The following TMEM71 variants were observed in gnomAD, a reference collection of about 807,000 sequenced individuals.
TMEM71 encodes the protein transmembrane protein 71.
Under a neutral mutation model 38.0 loss-of-function variants are expected in TMEM71, and 44 were observed. That is an observed-to-expected ratio of 1.16 (90% CI 0.91 to 1.49). TMEM71 has a LOEUF of 1.49. Among genes scored for constraint, TMEM71 ranks in the 40% most tolerant of loss-of-function variants. TMEM71 has a pLI of 0.00. For missense variants in TMEM71, 367 were observed against 348.6 expected (o/e 1.05, Z -0.42); for synonymous variants, 133 against 122.5 (o/e 1.09, Z -0.56).
intron 5 of TMEM71, among the ~76,000 whole-genome samples, chr8:132,741,287 A>G (rs779481079): frequency 2.2e-4 from 33 of 152,158 alleles, no homozygotes; most frequent in Non-Finnish European, 4.0e-4. Flanking sequence ...TGCTTGAACC[A>G]GGGAGACGGA....
chr8:132,727,071 G>T (rs1428400028), intron 6 of TMEM71, among the ~76,000 whole-genome samples: 2 of 151,580 alleles, frequency 1.3e-5, no homozygotes, highest in Non-Finnish European at 2.9e-5. Flanking sequence ...TGGCCAGGCT[G>T]GCCTCAAACT....
chr8:132,725,640 G>A lies in TMEM71; in HGVS notation c.676+2158C>T, dbSNP rs148969551. ...AATACCTACATGTGAAGGGCTTAATGGAAGATGGAGACCTTGTCCACCCAG... is the reference window on the plus strand; with the variant it reads ...AATACCTACATGTGAAGGGCTTAATAGAAGATGGAGACCTTGTCCACCCAG... On this transcript the variant is annotated intron_variant, in intron 6 of 9. Transcript: ENST00000677595. 3.0e-3 allele frequency among the ~76,000 whole-genome samples: 451 copies of A among 152,306 alleles called. 2 individuals are homozygous for A. Among genetic ancestry groups the A allele is most frequent in the African/African-American group, 0.01 (424 of 41,564 alleles).
chr8:132,743,463 T>C (rs1828162199), intron 5 of TMEM71, among the ~76,000 whole-genome samples: 1 of 152,204 alleles, frequency 6.6e-6, no homozygotes, highest in Non-Finnish European at 1.5e-5. Context: ...CCTTTTATAC[T>C]ACTATTATCC....
At position 132,759,154 on chromosome 8, in the gene TMEM71, T is replaced by A. The variant is rs558176684; in HGVS notation, c.-36-239A>T. The A allele has an allele frequency of 2.2e-5, 7 of 323,748 alleles. No individual in the cohort carries two copies. The South Asian group carries it at 6.1e-4, about 28-fold the overall frequency. The allele number at this position is 323,748 out of a possible 1,614,324, so 20.1% of individuals were successfully genotyped here. ...CATCTCAATAACATTTTTCTGTAAA[T>A]AAGAACCACACTTTATTTGGAAAAT... On this transcript the variant is annotated intron_variant, in intron 1 of 9. Coordinates refer to ENST00000677595, the MANE Select transcript of TMEM71 (RefSeq NM_001382403.1).
chr8:132,706,866 G>A (rs992933321), downstream of TMEM71, among the ~76,000 whole-genome samples: 1 of 151,996 alleles, frequency 6.6e-6, no homozygotes, highest in Non-Finnish European at 1.5e-5. Context: ...ATCAGAAATG[G>A]CTGCTGACAA....
In TMEM71 at chr8:132,719,668, G is replaced by C. The variant is rs549796448; in HGVS notation, c.752+2372C>G. ...TCTTGCCCACGTCTATACAGTTTTA[G>C]TCAATTTTTAATTCAAATAAACATT... On this transcript the variant is annotated intron_variant, in intron 7 of 9. Coordinates refer to ENST00000677595, the MANE Select transcript of TMEM71 (RefSeq NM_001382403.1). Among the ~76,000 whole-genome samples, 116 of 152,278 alleles carry C rather than the reference G, an allele frequency of 7.6e-4. 1 individual carries two copies. Among genetic ancestry groups the C allele is most frequent in the African/African-American group, 2.5e-3 (105 of 41,554 alleles).
intron 7 of TMEM71, 22 bp downstream of exon 7, chr8:132,722,018 A>T (rs750250104): frequency 1.9e-6 from 3 of 1,600,764 alleles, no homozygotes; most frequent in Non-Finnish European, 1.7e-6. Context: ...ATACCGCTGC[A>T]TGAAAATAAA....
intron 3 of TMEM71, among the ~76,000 whole-genome samples, chr8:132,756,047 G>T (rs956707002): frequency 2.0e-5 from 3 of 152,038 alleles, no homozygotes; most frequent in African/African-American, 7.2e-5. Context: ...CAATTTACAA[G>T]AAGGAGCAGG....
At chr8:132,764,463 C>T (rs577679282), upstream of TMEM71, among the ~76,000 whole-genome samples, 1 of 152,316 alleles carries the variant, frequency 6.6e-6, no homozygotes, top group South Asian at 2.1e-4. Context: ...AGTGCTTGCC[C>T]TTGCTCCTCT....
chr8:132,770,529 G>A, the TMEM71 span, among the ~76,000 whole-genome samples: 1 of 152,134 alleles, frequency 6.6e-6, no homozygotes, highest in Admixed American at 6.6e-5. Flanking sequence ...CCTAGTATTT[G>A]TTTTTACGGT....
At chr8:132,709,907 T>A (rs1038726182), downstream of TMEM71, 46 of 152,138 alleles carry the variant, frequency 3.0e-4, no homozygotes, top group African/African-American at 1.1e-3. Context: ...CAAAAAAATA[T>A]ATATATACAT....
intron 6 of TMEM71, among the ~76,000 whole-genome samples, chr8:132,724,191 T>G (rs1293662266): frequency 6.6e-6 from 1 of 152,156 alleles, no homozygotes; most frequent in Non-Finnish European, 1.5e-5. Context: ...TTGATAAACA[T>G]CTTAACAGAA....
At chr8:132,753,308 T>TG (rs34914870) in intron 3 of TMEM71, among the ~76,000 whole-genome samples, 1 of 150,948 alleles carries the variant, frequency 6.6e-6, no homozygotes, top group East Asian at 1.9e-4. Context: ...TTTGAATTCT[T>TG]GGGGTGGTTT....
intron 6 of TMEM71, among the ~76,000 whole-genome samples, chr8:132,727,467 A>G (rs530746264): frequency 6.6e-6 from 1 of 152,240 alleles, no homozygotes; most frequent in Non-Finnish European, 1.5e-5. Context: ...CATGTTAGCC[A>G]GGATGGTCTT....
chr8:132,714,085 A>T, intron 8 of TMEM71, 33 bp from the exon 9 acceptor site: 1 of 1,613,894 alleles, frequency 6.2e-7, no homozygotes, highest in Non-Finnish European at 8.5e-7. Flanking sequence ...TTTTAAAATC[A>T]TTTTAAAGTG....
At chr8:132,762,595 C>T (rs889384652), upstream of TMEM71, among the ~76,000 whole-genome samples, 20 of 152,050 alleles carry the variant, frequency 1.3e-4, no homozygotes, top group African/African-American at 4.6e-4. Flanking sequence ...GGTCTTTCCA[C>T]ATATCAACAC....
chr8:132,774,080 TA>T, the TMEM71 span, among the ~76,000 whole-genome samples: 2 of 152,214 alleles, frequency 1.3e-5, no homozygotes, highest in African/African-American at 2.4e-5. Context: ...CATTAAAAAT[TA>T]CCAACTGGCC....
chr8:132,723,521 C>T (rs1826964194), intron 6 of TMEM71, among the ~76,000 whole-genome samples: 1 of 152,214 alleles, frequency 6.6e-6, no homozygotes, highest in Admixed American at 6.5e-5. Flanking sequence ...CTTGATTCTA[C>T]TGGCTCCTCC....
At chr8:132,722,361 A>AT (rs1826905286) in intron 6 of TMEM71, among the ~76,000 whole-genome samples, 1 of 152,222 alleles carries the variant, frequency 6.6e-6, no homozygotes, top group Admixed American at 6.5e-5. Context: ...AGACTATGCT[A>AT]TTTTCACAGT....
Sources: gnomAD v4.1 joint callset for allele counts (sites outside exome capture counted in the v4.1 genomes callset) on GRCh38, gnomAD v4.1.1 for gene constraint, MANE v1.5 for transcripts, NCBI Gene and HGNC (gene_info 2026-07-23, HGNC 2026-07-21) for gene names.